Variants in FBH1 observed in about 807,000 individuals in gnomAD.
FBH1 encodes the protein DNA 3'-5' helicase 1.
Under a neutral mutation model 115.5 loss-of-function variants are expected in FBH1, and 43 were observed. The ratio of observed to expected loss-of-function variants is 0.37; its 90% confidence interval spans 0.29 to 0.48. The LOEUF is 0.48. Ranked by LOEUF, FBH1 falls within the 20% of genes least tolerant of loss-of-function variation. The pLI, the probability that FBH1 is intolerant of heterozygous loss-of-function variation, is 0.99. For missense variants in FBH1, 1,001 were observed against 1,337.3 expected, an observed-to-expected ratio of 0.75 and a Z score of 3.92; for synonymous variants, 524 against 507.8, an observed-to-expected ratio of 1.03 and a Z score of -0.43.
intron 19 of FBH1, chr10:5,934,529 A>G (rs1833204321): frequency 6.6e-6 from 1 of 151,900 alleles, no homozygotes; most frequent in African/African-American, 2.4e-5. Context: ...GGCGTGTGCT[A>G]CCATGCCTGG....
intron 1 of FBH1, among the ~76,000 whole-genome samples, 181 bp downstream of exon 1, chr10:5,890,527 G>A (rs1365729797): frequency 6.6e-6 from 1 of 150,794 alleles, no homozygotes. Context: ...GCCGTGGGCA[G>A]GTGGAGGGCG....
Position 5,890,301 on chromosome 10 carries a change from C to G in FBH1, c.-45C>G. On this transcript the variant is annotated 5_prime_UTR_variant, in exon 1 of 21. Coordinates refer to ENST00000362091, the MANE Select transcript of FBH1 (RefSeq NM_178150.3). ...ACGCTGGGCTGAGCGGCCGGCGGCG[C>G]GGGCCCGGCGGCGGCGGCAGCGGGG... 2.7e-6 allele frequency: 1 copy of G among 373,934 alleles called. No individual in the cohort carries two copies. Among genetic ancestry groups the G allele is most frequent in the Non-Finnish European group, 5.0e-6 (1 of 200,858 alleles). The allele number at this position is 373,934 out of a possible 1,614,324, so 23.2% of individuals were successfully genotyped here.
Position 5,923,694 on chromosome 10 carries a change from AACGTGAGTACCC to A in FBH1, c.2398+1_2398+12del. Reference sequence around the variant, plus strand: ...CTTCAGCCAGAGGAAGAACGGAGGAAACGTGAGTACCCACCTGGCCTTGGTGCATTGGAAGGA... The same window carrying A: ...CTTCAGCCAGAGGAAGAACGGAGGAAACCTGGCCTTGGTGCATTGGAAGGA... On this transcript the variant is annotated splice_donor_variant and splice_donor_5th_base_variant and coding_sequence_variant and intron_variant, in exon 16 of 21. Transcript: ENST00000362091. LOFTEE classifies it high-confidence loss of function. This position sits in a 1 kb window ranked among gnomAD's most constrained non-coding sequence, Gnocchi z 5.7. The A allele has an allele frequency of 6.2e-7, 1 of 1,613,960 alleles. No individual in the cohort carries two copies. Among genetic ancestry groups the A allele is most frequent in the Non-Finnish European group, 8.5e-7 (1 of 1,179,822 alleles).
rs1335096799 is a variant in FBH1 at position 5,937,308 on chromosome 10, A to G, written c.*28A>G. 3 of 1,507,884 alleles carry G rather than the reference A, an allele frequency of 2.0e-6. No individual in the cohort carries two copies. Among genetic ancestry groups the G allele is most frequent in the African/African-American group, 1.4e-5 (1 of 71,408 alleles). 93.4% of individuals were successfully genotyped at this position (1,507,884 alleles called of 1,614,324 possible). A position where few individuals can be genotyped will look rare whatever the true frequency, so the allele number is the denominator to read the frequency against. On this transcript the variant is annotated 3_prime_UTR_variant, in exon 21 of 21. Transcript: ENST00000362091. The stretch of plus-strand genomic sequence containing the variant: ...ACAAGGCGCACGTTCTCCGCAGTGC[A>G]GAGCAGCTTGCCGAGGACCCCGCGT...
chr10:5,894,601 G>A, intron 1 of FBH1: 1 of 763,226 alleles, frequency 1.3e-6, no homozygotes, highest in Non-Finnish European at 2.4e-6. Flanking sequence ...AACTGCAAAA[G>A]CTGTAAAGCA....
rs1831868566 is a variant in FBH1 at position 5,915,486 on chromosome 10, A to G, written c.1480A>G (p.Ile494Val). The G allele has an allele frequency of 6.2e-7, 1 of 1,614,234 alleles. No homozygotes were observed. Among genetic ancestry groups the G allele is most frequent in the Non-Finnish European group, 8.5e-7 (1 of 1,180,044 alleles). ...RFLYVTFNKS[I>V]AKQAERVFPS... Reference sequence around the variant, plus strand: ...TCTGTATGTGACATTCAACAAGAGCATCGCAAAGCAGGCCGAACGCGTCTT... The same window carrying G: ...TCTGTATGTGACATTCAACAAGAGCGTCGCAAAGCAGGCCGAACGCGTCTT... Residue 494 changes from isoleucine (I) to valine (V), a missense_variant, in exon 9 of 21, where the codon ATC (isoleucine) becomes GTC (valine). By Grantham distance (29) the Ile-to-Val change is conservative (BLOSUM62 3). Transcript: ENST00000362091. The surrounding 1 kb of genome is among the most constrained non-coding windows in gnomAD (Gnocchi z 5.2).
intron 1 of FBH1, chr10:5,893,921 T>C: frequency 6.8e-6 from 6 of 887,368 alleles, no homozygotes; most frequent in Non-Finnish European, 8.1e-6. Context: ...AATTATATTC[T>C]AGACCATAAG....
intron 1 of FBH1, among the ~76,000 whole-genome samples, chr10:5,896,839 G>A (rs1843038045): frequency 6.6e-6 from 1 of 152,268 alleles, no homozygotes; most frequent in South Asian, 2.1e-4. Flanking sequence ...TACAGGAGGT[G>A]TAAAGTGCAC....
chr10:5,924,535 T>C lies in FBH1; in HGVS notation c.2596+27T>C. ...TAAGGGAAGCAGTTGGTTTTTACCT[T>C]CCCCCTAAGAGGAGGAACAGATGGT... is the stretch of plus-strand genomic sequence containing the variant. On this transcript the variant is annotated intron_variant, in intron 17 of 20. Transcript: ENST00000362091. This position sits in a 1 kb window ranked among gnomAD's most constrained non-coding sequence, Gnocchi z 6.2. 1 of 1,606,916 alleles carries C rather than the reference T, an allele frequency of 6.2e-7. No homozygotes were observed. Among genetic ancestry groups the C allele is most frequent in the Non-Finnish European group, 8.5e-7 (1 of 1,174,250 alleles).
chr10:5,899,957 T>C (rs956591907), intron 1 of FBH1, among the ~76,000 whole-genome samples: 1 of 152,244 alleles, frequency 6.6e-6, no homozygotes, highest in African/African-American at 2.4e-5. Context: ...GATTTGCTGT[T>C]GTTTTCCTCT....
rs1225866497 is a variant in FBH1 at position 5,906,281 on chromosome 10, T to C, written c.402T>C (p.Ala134=). ...SWSSEEESNQ[A]TGTSRWDGVS... ...CCTCTGAGGAAGAGAGTAACCAGGC[T>C]ACCGGGACCAGCCGGTGGGATGGAG... Residue 134 remains alanine, a synonymous_variant, in exon 3 of 21, where the codon GCT becomes GCC. Transcript: ENST00000362091. The surrounding 1 kb of genome is among the most constrained non-coding windows in gnomAD (Gnocchi z 7.3). 5 of 1,614,054 alleles carry C rather than the reference T, an allele frequency of 3.1e-6. No individual in the cohort carries two copies. Among genetic ancestry groups the C allele is most frequent in the African/African-American group, 2.7e-5 (2 of 74,942 alleles).
chr10:5,898,805 T>C lies in FBH1; in HGVS notation c.2-4215T>C, dbSNP rs115961127. On this transcript the variant is annotated intron_variant, in intron 1 of 20. Coordinates refer to ENST00000362091, the MANE Select transcript of FBH1 (RefSeq NM_178150.3). ...CGTTGAGTACATGGCACAGACTATA[T>C]GTCTGGCCCCACGCTATCTACATAC... Among the ~76,000 whole-genome samples, 956 of 152,296 alleles carry C rather than the reference T, an allele frequency of 6.3e-3. 8 individuals carry two copies. The highest frequency in any genetic ancestry group is 0.022 in the African/African-American group (919 of 41,568).
chr10:5,898,746 G>A (rs982356650), intron 1 of FBH1, among the ~76,000 whole-genome samples: 10 of 152,200 alleles, frequency 6.6e-5, no homozygotes, highest in Non-Finnish European at 1.5e-5. Flanking sequence ...CCTTGCGGGT[G>A]AGGATTTCAG....
At position 5,917,302 on chromosome 10, in the gene FBH1, TCCCC is replaced by T; in HGVS notation, c.1789-116_1789-113del. On this transcript the variant is annotated intron_variant, in intron 10 of 20. Coordinates refer to ENST00000362091, the MANE Select transcript of FBH1 (RefSeq NM_178150.3). This position sits in a 1 kb window ranked among gnomAD's most constrained non-coding sequence, Gnocchi z 5.6. ...CAGGAGGTTAGGGTGGTGTCTGCGG[TCCCC>T]CTTCTGTGAGGATGCCCTGGCTCCA... The T allele has an allele frequency of 1.3e-6, 1 of 787,654 alleles. No homozygotes were observed. The highest frequency in any genetic ancestry group is 2.2e-6 in the Non-Finnish European group (1 of 461,880). 48.8% of individuals were successfully genotyped at this position (787,654 alleles called of 1,614,324 possible). A position where few individuals can be genotyped will look rare whatever the true frequency, so the allele number is the denominator to read the frequency against.
At chr10:5,899,851 C>G (rs1362911270) in intron 1 of FBH1, among the ~76,000 whole-genome samples, 1 of 152,192 alleles carries the variant, frequency 6.6e-6, no homozygotes, top group Non-Finnish European at 1.5e-5. Flanking sequence ...AAGAGAACAA[C>G]AAGACTTTGT....
rs1589120400 is a variant in FBH1, at chr10:5,932,783, T to G, written c.2830-3673T>G. ...CCCAGGCTGGAATATGGCGGCACAA[T>G]CTTGGCCCACTGCAACCTCCGCCTC... On this transcript the variant is annotated intron_variant, in intron 19 of 20. Transcript: ENST00000362091. This position sits in a 1 kb window ranked among gnomAD's most constrained non-coding sequence, Gnocchi z 5.9. Among the ~76,000 whole-genome samples the G allele has an allele frequency of 6.6e-6, 1 of 152,274 alleles. No individual in the cohort carries two copies. Among genetic ancestry groups the G allele is most frequent in the East Asian group, 1.9e-4 (1 of 5,170 alleles).
Position 5,913,636 on chromosome 10 carries a change from A to T in FBH1, c.1212-111A>T. On this transcript the variant is annotated intron_variant, in intron 6 of 20. Transcript: ENST00000362091. The surrounding 1 kb of genome is among the most constrained non-coding windows in gnomAD (Gnocchi z 4.4). ...TTTCTTTTTTCCATTAAATGGTGGT[A>T]GGTATTTTCTTTTTAGAAATGGGAA... 1.5e-6 allele frequency: 1 copy of T among 675,538 alleles called. No individual in the cohort carries two copies. The highest frequency in any genetic ancestry group is 2.5e-6 in the Non-Finnish European group (1 of 405,652). The allele number at this position is 675,538 out of a possible 1,614,324, so 41.8% of individuals were successfully genotyped here. A position where few individuals can be genotyped will look rare whatever the true frequency, so the allele number is the denominator to read the frequency against.
At position 5,925,204 on chromosome 10, in the gene FBH1, G is replaced by T; in HGVS notation, c.2597-163G>T. On this transcript the variant is annotated intron_variant, in intron 17 of 20. Transcript: ENST00000362091. The surrounding 1 kb of genome is among the most constrained non-coding windows in gnomAD (Gnocchi z 4.6). ...TTTCTTTTTTCTGTTCCCGACAGTT[G>T]TCTGTTCCCGACAGTTGTTTCCTCT... 1.2e-6 allele frequency: 1 copy of T among 813,748 alleles called. No individual in the cohort carries two copies. Among genetic ancestry groups the T allele is most frequent in the East Asian group, 2.8e-5 (1 of 36,176 alleles). 50.4% of individuals were successfully genotyped at this position (813,748 alleles called of 1,614,324 possible).
In FBH1 at chr10:5,909,541, A is replaced by G. The variant is rs1315807920; in HGVS notation, c.1020+247A>G. ...AGTCTGATTTCCCATTTGGTTGAGG[A>G]ATCTTCTCTGAAATATTTCTGAAAA... On this transcript the variant is annotated intron_variant, in intron 5 of 20. Coordinates refer to ENST00000362091, the MANE Select transcript of FBH1 (RefSeq NM_178150.3). The surrounding 1 kb of genome is among the most constrained non-coding windows in gnomAD (Gnocchi z 4.4). 1.8e-5 allele frequency: 8 copies of G among 452,352 alleles called. No individual in the cohort carries two copies. Among genetic ancestry groups the G allele is most frequent in the Non-Finnish European group, 3.1e-5 (8 of 259,974 alleles). The allele number at this position is 452,352 out of a possible 1,614,324, so 28.0% of individuals were successfully genotyped here. A position where few individuals can be genotyped will look rare whatever the true frequency, so the allele number is the denominator to read the frequency against.
Sources: allele counts gnomAD v4.1 joint callset (sites outside exome capture counted in the v4.1 genomes callset), GRCh38; gene constraint gnomAD v4.1.1; non-coding constraint Gnocchi (gnomAD v3.1); transcripts MANE v1.5; gene names NCBI Gene and HGNC (gene_info 2026-07-23, HGNC 2026-07-21).